The following CNTNAP2 variants were observed in gnomAD, a reference collection of about 807,000 sequenced individuals.
CNTNAP2 encodes contactin associated protein 2.
A neutral mutation model predicts 155.2 loss-of-function variants in CNTNAP2; 98 were observed. That is an observed-to-expected ratio of 0.63 (90% CI 0.54 to 0.75). The LOEUF (loss-of-function observed/expected upper bound fraction) is 0.75, where lower values mean the gene tolerates loss of function less well. Among genes scored for constraint, CNTNAP2 ranks in the 30% least tolerant of loss-of-function variants. The probability of loss-of-function intolerance (pLI) is 0.00; values close to 1 mark genes in which losing one functional copy is unlikely to be tolerated. For synonymous variants in CNTNAP2, 651 were observed against 631.2 expected, an observed-to-expected ratio of 1.03 and a Z score of -0.47; for missense variants, 1,727 against 1,688.1, an observed-to-expected ratio of 1.02 and a Z score of -0.40.
chr7:146,594,890 A>T (rs988399777), intron 1 of CNTNAP2, among the ~76,000 whole-genome samples: 2 of 152,118 alleles, frequency 1.3e-5, no homozygotes, highest in African/African-American at 4.8e-5. Context: ...ACCATGACAG[A>T]TGCCTAATTA....
intron 21 of CNTNAP2, among the ~76,000 whole-genome samples, chr7:148,267,850 A>G (rs1162412036): frequency 1.3e-5 from 2 of 152,140 alleles, no homozygotes; most frequent in Non-Finnish European, 2.9e-5. Context: ...TACTAGCAAT[A>G]TGTAATTTAA....
In CNTNAP2 at chr7:146,996,012, G is replaced by GT. The variant is rs200740490; in HGVS notation, c.403-47886dup. Among the ~76,000 whole-genome samples, 386 of 149,804 alleles carry GT rather than the reference G, an allele frequency of 2.6e-3. 1 individual carries two copies. Among genetic ancestry groups the GT allele is most frequent in the African/African-American group, 4.3e-3 (177 of 40,860 alleles). On this transcript the variant is annotated intron_variant, in intron 3 of 23. Transcript: ENST00000361727. Reference sequence around the variant, plus strand: ...TTTCTCCTGTTTTGTTTTTGTTTTTGTTTTTTTTTAGCAGCTTTATAGTTT... The same window carrying GT: ...TTTCTCCTGTTTTGTTTTTGTTTTTGTTTTTTTTTTAGCAGCTTTATAGTTT...
intron 13 of CNTNAP2, among the ~76,000 whole-genome samples, chr7:147,836,701 A>AT: frequency 6.6e-6 from 1 of 152,320 alleles, no homozygotes; most frequent in East Asian, 1.9e-4. Context: ...TTTGCTCATC[A>AT]TGACATTTCA....
intron 3 of CNTNAP2, among the ~76,000 whole-genome samples, chr7:146,918,547 T>G (rs1796439738): frequency 6.6e-6 from 1 of 152,238 alleles, no homozygotes; most frequent in Non-Finnish European, 1.5e-5. Flanking sequence ...CTGAGAGATC[T>G]GCTGTTAATC....
chr7:147,942,215 A>G (rs1382817256), intron 14 of CNTNAP2, among the ~76,000 whole-genome samples: 1 of 152,130 alleles, frequency 6.6e-6, no homozygotes, highest in Non-Finnish European at 1.5e-5. Flanking sequence ...CTTGCCCCAT[A>G]CGGAAATCTG....
At position 148,231,000 on chromosome 7, in the gene CNTNAP2, T is replaced by G. The variant is rs73474261; in HGVS notation, c.3381+1221T>G. Among the ~76,000 whole-genome samples, 472 of 152,314 alleles carry G rather than the reference T, an allele frequency of 3.1e-3. 2 individuals carry two copies. Among genetic ancestry groups the G allele is most frequent in the African/African-American group, 0.011 (460 of 41,580 alleles). On this transcript the variant is annotated intron_variant, in intron 20 of 23. Transcript: ENST00000361727. Reference sequence around the variant, plus strand: ...AACATTGTCTCCCTCGGCTTTTGATTAGAGACTTTTTCCATTTTAAGCCAC... The same window carrying G: ...AACATTGTCTCCCTCGGCTTTTGATGAGAGACTTTTTCCATTTTAAGCCAC...
chr7:146,645,576 G>A (rs1031868459), intron 1 of CNTNAP2, among the ~76,000 whole-genome samples: 2 of 152,162 alleles, frequency 1.3e-5, no homozygotes, highest in African/African-American at 2.4e-5. Flanking sequence ...TCTTGTTGGA[G>A]ATGGGGGTGA....
At chr7:148,009,385 A>G (rs889992022) in intron 15 of CNTNAP2, among the ~76,000 whole-genome samples, 5 of 152,206 alleles carry the variant, frequency 3.3e-5, no homozygotes, top group Non-Finnish European at 5.9e-5. Flanking sequence ...AAGTACAACA[A>G]TTTTAAGGCA....
intron 13 of CNTNAP2, among the ~76,000 whole-genome samples, chr7:147,688,884 G>A (rs1463150033): frequency 1.3e-5 from 2 of 152,136 alleles, no homozygotes; most frequent in East Asian, 3.9e-4. Flanking sequence ...ACACATGTCA[G>A]CATTCTGAGG....
intron 10 of CNTNAP2, among the ~76,000 whole-genome samples, chr7:147,466,025 A>C (rs1215879405): frequency 1.3e-5 from 2 of 152,230 alleles, no homozygotes; most frequent in African/African-American, 4.8e-5. Context: ...ATCAACTTGC[A>C]AAAAGCATAT....
chr7:147,435,850 A>C (rs965144660), intron 10 of CNTNAP2, among the ~76,000 whole-genome samples: 7 of 152,230 alleles, frequency 4.6e-5, no homozygotes, highest in African/African-American at 1.7e-4. Flanking sequence ...GATTTTCAAA[A>C]TAACACACAT....
intron 3 of CNTNAP2, among the ~76,000 whole-genome samples, chr7:146,854,517 G>A (rs902100792): frequency 6.6e-6 from 1 of 152,140 alleles, no homozygotes; most frequent in African/African-American, 2.4e-5. Context: ...GATAATTGTG[G>A]GAGAAAACCA....
intron 8 of CNTNAP2, among the ~76,000 whole-genome samples, chr7:147,264,896 C>T (rs1316120490): frequency 6.6e-6 from 1 of 152,054 alleles, no homozygotes; most frequent in East Asian, 2.0e-4. Flanking sequence ...AAATTGAGGT[C>T]AAGCTGCATT....
intron 10 of CNTNAP2, among the ~76,000 whole-genome samples, chr7:147,476,107 A>T (rs1464279162): frequency 6.6e-6 from 1 of 151,054 alleles, no homozygotes; most frequent in Non-Finnish European, 1.5e-5. Flanking sequence ...ATTTTTATTT[A>T]TTTATTTATT....
rs114641007 is a variant in CNTNAP2 at position 148,222,077 on chromosome 7, T to A, written c.3247+4553T>A. ...GGTGTGAGGGGAGCCTTGCTCCTGGTACCCCATCACCCATCTGTAGGACAG... is the reference window on the plus strand; with the variant it reads ...GGTGTGAGGGGAGCCTTGCTCCTGGAACCCCATCACCCATCTGTAGGACAG... On this transcript the variant is annotated intron_variant, in intron 19 of 23. Coordinates refer to ENST00000361727, the MANE Select transcript of CNTNAP2 (RefSeq NM_014141.6). Among the ~76,000 whole-genome samples the A allele has an allele frequency of 2.8e-3, 424 of 152,330 alleles. 2 individuals carry two copies. Among genetic ancestry groups the A allele is most frequent in the African/African-American group, 9.5e-3 (394 of 41,570 alleles).
intron 1 of CNTNAP2, among the ~76,000 whole-genome samples, chr7:146,307,087 G>T (rs1018213458): frequency 6.6e-6 from 1 of 152,088 alleles, no homozygotes; most frequent in Non-Finnish European, 1.5e-5. Context: ...AAACCCCATC[G>T]TCTCAGCCCA....
intron 3 of CNTNAP2, among the ~76,000 whole-genome samples, chr7:146,875,752 A>C (rs1795407557): frequency 1.3e-5 from 2 of 151,498 alleles, no homozygotes; most frequent in African/African-American, 4.8e-5. Flanking sequence ...CTTTATAAAA[A>C]TTTTTCAGCT....
chr7:147,816,532 A>G (rs141210745), intron 13 of CNTNAP2, among the ~76,000 whole-genome samples: 79 of 152,326 alleles, frequency 5.2e-4, no homozygotes, highest in African/African-American at 1.9e-3. Flanking sequence ...CTTGAGCTAG[A>G]ATTTTAAAAA....
intron 15 of CNTNAP2, among the ~76,000 whole-genome samples, chr7:147,979,681 G>A (rs867387918): frequency 9.2e-5 from 14 of 152,012 alleles, no homozygotes; most frequent in Middle Eastern, 6.8e-3. Context: ...GGAGTACAGC[G>A]GTACGATCTC....
Sources: gnomAD v4.1 joint callset for allele counts (sites outside exome capture counted in the v4.1 genomes callset) on GRCh38, gnomAD v4.1.1 for gene constraint, MANE v1.5 for transcripts, NCBI Gene and HGNC (gene_info 2026-07-23, HGNC 2026-07-21) for gene names.